The following SLC30A8 variants were observed in gnomAD, a reference collection of about 807,000 sequenced individuals.
SLC30A8 encodes proton-coupled zinc antiporter SLC30A8.
In SLC30A8, 27 loss-of-function variants were observed where a neutral mutation model predicts 36.9. The ratio of observed to expected loss-of-function variants is 0.73; its 90% CI spans 0.54 to 1.01. The LOEUF is 1.01. SLC30A8 is among the 50% of genes least tolerant of loss of function. SLC30A8 has a pLI of 0.00. For missense variants in SLC30A8, 439 were observed against 452.0 expected (o/e 0.97, Z 0.26); for synonymous variants, 164 against 172.4 (o/e 0.95, Z 0.38).
intron 1 of SLC30A8, among the ~76,000 whole-genome samples, chr8:116,997,527 G>T (rs1368550361): frequency 6.6e-6 from 1 of 151,640 alleles, no homozygotes; most frequent in Non-Finnish European, 1.5e-5. Flanking sequence ...GCTTGCTTTT[G>T]GGATGTTTTT....
chr8:117,064,527 G>GT (rs1483091859), intron 2 of SLC30A8, among the ~76,000 whole-genome samples: 8 of 152,226 alleles, frequency 5.3e-5, no homozygotes, highest in Admixed American at 5.2e-4. Context: ...AGATCTCAGA[G>GT]TAGACACAAC....
chr8:117,102,343 TTTA>T (rs1257705639), intron 2 of SLC30A8, among the ~76,000 whole-genome samples: 2 of 152,200 alleles, frequency 1.3e-5, no homozygotes, highest in Non-Finnish European at 2.9e-5. Context: ...GCCTAAATAA[TTTA>T]TTATTCCATA....
At chr8:116,979,238 CAAAAAAAA>C (rs67998633) in intron 1 of SLC30A8, among the ~76,000 whole-genome samples, 670 of 64,328 alleles carry the variant, frequency 0.01, 3 homozygotes, top group African/African-American at 0.033. Flanking sequence ...GACCCTGTCT[CAAAAAAAA>C]AAAAAAAAAA....
intron 2 of SLC30A8, among the ~76,000 whole-genome samples, chr8:117,050,887 C>T (rs1031245043): frequency 1.2e-4 from 19 of 152,344 alleles, no homozygotes; most frequent in African/African-American, 4.6e-4. Flanking sequence ...TGGTCAACCC[C>T]TGCAGGCAGG....
intron 1 of SLC30A8, among the ~76,000 whole-genome samples, chr8:116,997,191 T>C (rs1815850849): frequency 6.6e-6 from 1 of 152,170 alleles, no homozygotes; most frequent in African/African-American, 2.4e-5. Flanking sequence ...CATCCACCTC[T>C]GAAGCATGAT....
chr8:117,079,142 C>G (rs918934809), intron 2 of SLC30A8, among the ~76,000 whole-genome samples: 3 of 151,792 alleles, frequency 2.0e-5, no homozygotes, highest in African/African-American at 7.3e-5. Flanking sequence ...CTCCCCAGTA[C>G]CTGGGATTGC....
chr8:117,032,891 TAAA>T (rs1178864382), intron 1 of SLC30A8, among the ~76,000 whole-genome samples: 1 of 141,396 alleles, frequency 7.1e-6, no homozygotes, highest in African/African-American at 2.6e-5. Flanking sequence ...ACTCTGTCTT[TAAA>T]AAAAAAAAAA....
chr8:117,163,530 G>T lies in SLC30A8; in HGVS notation c.829G>T (p.Gly277Cys). ...LKDFSILLME[G>C]VPKSLNYSGV... ...GGACTTCTCCATCTTACTCATGGAAGGTAGGAGTGATTTTATTATTACTCC... is the reference window on the plus strand; with the variant it reads ...GGACTTCTCCATCTTACTCATGGAATGTAGGAGTGATTTTATTATTACTCC... The change falls in exon 6 of 8, where the codon GGT becomes TGT. Residue 277 changes from glycine to cysteine, a missense_variant and splice_region_variant. By Grantham distance (159) the Gly-to-Cys change is radical (BLOSUM62 -3). Transcript: ENST00000456015. 6.2e-7 allele frequency: 1 copy of T among 1,601,998 alleles called. No individual in the cohort carries two copies. Among genetic ancestry groups the T allele is most frequent in the Non-Finnish European group, 8.5e-7 (1 of 1,171,746 alleles).
At chr8:116,968,888 C>T (rs1308862155) in intron 1 of SLC30A8, among the ~76,000 whole-genome samples, 1 of 152,050 alleles carries the variant, frequency 6.6e-6, no homozygotes, top group African/African-American at 2.4e-5. Context: ...AGGCATGCAC[C>T]ACCATGCCTA....
At chr8:117,060,585 A>G (rs936064424) in intron 2 of SLC30A8, among the ~76,000 whole-genome samples, 7 of 152,194 alleles carry the variant, frequency 4.6e-5, no homozygotes, top group Non-Finnish European at 8.8e-5. Flanking sequence ...TGTTCCAGAG[A>G]GAAGTAAATA....
chr8:117,036,664 A>C (rs1180899005), intron 1 of SLC30A8, among the ~76,000 whole-genome samples: 1 of 152,050 alleles, frequency 6.6e-6, no homozygotes, highest in Non-Finnish European at 1.5e-5. Context: ...AAACCATCAG[A>C]TCTCATGAGA....
chr8:117,019,002 T>A (rs114500184), intron 1 of SLC30A8, among the ~76,000 whole-genome samples: 1,594 of 152,272 alleles, frequency 0.01, 25 homozygotes, highest in African/African-American at 0.035. Context: ...AAGCATTTTT[T>A]AAAAAATTTT....
chr8:117,146,966 A>C lies in SLC30A8; in HGVS notation c.84A>C (p.Gln28His). 6.2e-7 allele frequency: 1 copy of C among 1,613,964 alleles called. No homozygotes were observed. Among genetic ancestry groups the C allele is most frequent in the Non-Finnish European group, 8.5e-7 (1 of 1,179,928 alleles). ...YAFTLESVEL[Q>H]QKPVNKDQCP... is the part of the protein sequence containing the mutation. Reference sequence around the variant, plus strand: ...AACTCATCCATAGTGTGGAACTCCAACAGAAACCGGTGAATAAAGATCAGT... The same window carrying C: ...AACTCATCCATAGTGTGGAACTCCACCAGAAACCGGTGAATAAAGATCAGT... The change falls in exon 2 of 8, where the codon CAA (glutamine) becomes CAC (histidine). Residue 28 changes from glutamine (Q) to histidine (H), a missense_variant. Physicochemically the swap from Gln to His is conservative, Grantham distance 24 (BLOSUM62 0). Coordinates refer to ENST00000456015, the MANE Select transcript of SLC30A8 (RefSeq NM_173851.3).
intron 2 of SLC30A8, among the ~76,000 whole-genome samples, chr8:117,072,964 T>G (rs548281441): frequency 1.3e-5 from 2 of 152,126 alleles, no homozygotes; most frequent in Non-Finnish European, 2.9e-5. Flanking sequence ...TTAAATTTAA[T>G]GTGGTCTTTG....
At chr8:116,975,843 T>C (rs994052142) in intron 1 of SLC30A8, among the ~76,000 whole-genome samples, 8 of 152,220 alleles carry the variant, frequency 5.3e-5, no homozygotes, top group Non-Finnish European at 8.8e-5. Context: ...TAGCAGGAGA[T>C]AGACTTATTC....
intron 2 of SLC30A8, among the ~76,000 whole-genome samples, chr8:117,091,729 C>A (rs1819136352): frequency 6.6e-6 from 1 of 152,192 alleles, no homozygotes; most frequent in Non-Finnish European, 1.5e-5. Flanking sequence ...CACTTTATTT[C>A]TAGCCACAAT....
chr8:116,962,765 C>T (rs1814467591), intron 1 of SLC30A8, among the ~76,000 whole-genome samples: 1 of 151,962 alleles, frequency 6.6e-6, no homozygotes, highest in African/African-American at 2.4e-5. Context: ...GCCCTGGTTT[C>T]AGTTTATTGG....
chr8:117,169,291 G>A (rs1823238607), intron 6 of SLC30A8, among the ~76,000 whole-genome samples: 1 of 152,122 alleles, frequency 6.6e-6, no homozygotes, highest in African/African-American at 2.4e-5. Flanking sequence ...AAGGTTCTTA[G>A]CCCATTTTTT....
Position 117,173,801 on chromosome 8 carries a change from A to G in SLC30A8, c.*1120A>G, listed in dbSNP as rs1563645116. ...AGAAGATTGTCAACCACAGGAGTTCATTGAGTGGGACAGCTAGACACATAC... is the reference window on the plus strand; with the variant it reads ...AGAAGATTGTCAACCACAGGAGTTCGTTGAGTGGGACAGCTAGACACATAC... On this transcript the variant is annotated 3_prime_UTR_variant, in exon 8 of 8. Transcript: ENST00000456015. The G allele has an allele frequency of 6.6e-6, 1 of 152,162 alleles. No individual in the cohort carries two copies. Among genetic ancestry groups the G allele is most frequent in the Non-Finnish European group, 1.5e-5 (1 of 68,016 alleles). The allele number at this position is 152,162 out of a possible 1,614,324, so 9.4% of individuals were successfully genotyped here.
Sources: allele counts gnomAD v4.1 joint callset (sites outside exome capture counted in the v4.1 genomes callset), GRCh38; gene constraint gnomAD v4.1.1; transcripts MANE v1.5; gene names NCBI Gene and HGNC (gene_info 2026-07-23, HGNC 2026-07-21).